Variants in ODF2 observed in about 807,000 individuals in gnomAD.
The protein encoded by ODF2 is outer dense fiber protein 2.
Under a neutral mutation model 110.2 loss-of-function variants are expected in ODF2, and 47 were observed. The observed-to-expected ratio is 0.43, with a 90% CI of 0.34 to 0.54. ODF2 has a LOEUF of 0.54. Among genes scored for constraint, ODF2 ranks in the 20% least tolerant of loss-of-function variants. The pLI, the probability that ODF2 is intolerant of heterozygous loss-of-function variation, is 0.03. For missense variants in ODF2, 812 were observed against 1,054.5 expected, an observed-to-expected ratio of 0.77 and a Z score of 3.19; for synonymous variants, 352 against 397.7, an observed-to-expected ratio of 0.89 and a Z score of 1.37.
At chr9:128,469,982 T>TCAAA (rs1839310768) in intron 5 of ODF2, among the ~76,000 whole-genome samples, 1 of 13,164 alleles carries the variant, frequency 7.6e-5, no homozygotes, top group African/African-American at 3.2e-4. Flanking sequence ...AGTCTCTGTC[T>TCAAA]CAAAAAAAAA....
chr9:128,481,522 G>T, intron 8 of ODF2, 58 bp from the exon 9 acceptor site: 2 of 1,248,544 alleles, frequency 1.6e-6, no homozygotes, highest in East Asian at 2.4e-5. Context: ...TCAATAAAAT[G>T]TAGACATCTG....
At chr9:128,486,663 C>T (rs754529994) in intron 13 of ODF2, among the ~76,000 whole-genome samples, 1 of 152,218 alleles carries the variant, frequency 6.6e-6, no homozygotes, top group African/African-American at 2.4e-5. Flanking sequence ...GTGACTGAGG[C>T]AGCAGCAGGG....
At chr9:128,464,033 C>T (rs1312295720) in intron 4 of ODF2, among the ~76,000 whole-genome samples, 1 of 151,380 alleles carries the variant, frequency 6.6e-6, no homozygotes, top group Non-Finnish European at 1.5e-5. Context: ...TTAGTAGAGA[C>T]GGGGTTTTGC....
In ODF2 at chr9:128,494,454, AGGTCTTTCCTAACTGTG is replaced by A. The variant is rs963823068; in HGVS notation, c.1753-45_1753-29del. 9.2e-5 allele frequency: 142 copies of A among 1,544,802 alleles called. No individual in the cohort carries two copies. The highest frequency in any genetic ancestry group is 1.1e-4 in the Non-Finnish European group (124 of 1,118,894). Reference sequence around the variant, plus strand: ...ACTCTGCCTGGCTCCACTAGGAGCCAGGTCTTTCCTAACTGTGGGTCTTTCCTTCCTGTGGGTCTTTC... The same window carrying A: ...ACTCTGCCTGGCTCCACTAGGAGCCAGGTCTTTCCTTCCTGTGGGTCTTTC... On this transcript the variant is annotated intron_variant, in intron 16 of 20. Transcript: ENST00000604420. This position sits in a 1 kb window ranked among gnomAD's most constrained non-coding sequence, Gnocchi z 4.6.
At chr9:128,460,713 A>T in intron 3 of ODF2, 47 bp downstream of exon 3, 3 of 1,609,822 alleles carry the variant, frequency 1.9e-6, no homozygotes, top group Non-Finnish European at 2.5e-6. Flanking sequence ...GATCTGGGTG[A>T]TCCTGCTAAG....
exon 2 of ODF2, chr9:128,457,416 C>T: frequency 6.2e-7 from 1 of 1,612,810 alleles, no homozygotes. Context: ...ATGTCTGCCT[C>T]ATCCTCAGGC....
intron 4 of ODF2, among the ~76,000 whole-genome samples, chr9:128,464,209 G>A (rs1042422101): frequency 8.3e-5 from 12 of 143,906 alleles, no homozygotes; most frequent in Non-Finnish European, 1.3e-4. Flanking sequence ...AGTCTGGAGT[G>A]CAATGGTGCA....
chr9:128,460,808 A>G (rs1836250159), intron 3 of ODF2, 134 bp from the exon 4 acceptor site: 1 of 1,506,360 alleles, frequency 6.6e-7, no homozygotes, highest in Non-Finnish European at 9.1e-7. Flanking sequence ...GAAGGTAGGC[A>G]GGCCTGTCAT....
chr9:128,492,588 A>G (rs752166229), intron 15 of ODF2, 52 bp downstream of exon 15: 3 of 1,527,580 alleles, frequency 2.0e-6, no homozygotes, highest in Non-Finnish European at 2.7e-6. Flanking sequence ...CCCTGCCCCC[A>G]TCAGACTGGG....
exon 2 of ODF2, chr9:128,457,325 T>C (rs1287538153): frequency 6.2e-7 from 1 of 1,610,440 alleles, no homozygotes; most frequent in East Asian, 2.2e-5. Flanking sequence ...GAGAGGCTCA[T>C]TGACAAGCCT....
intron 7 of ODF2, 56 bp from the exon 8 acceptor site, chr9:128,473,554 G>A (rs1245397840): frequency 6.2e-7 from 1 of 1,603,048 alleles, no homozygotes; most frequent in African/African-American, 1.3e-5. Context: ...GTGCCCATGG[G>A]GCCTGCTTCT....
chr9:128,463,690 G>A (rs1270796421), intron 4 of ODF2, among the ~76,000 whole-genome samples: 4 of 152,100 alleles, frequency 2.6e-5, no homozygotes, highest in Admixed American at 6.5e-5. Flanking sequence ...GAAAATGGGC[G>A]TCTGTGTCCA....
rs776779038 is a variant in ODF2 at position 128,494,739 on chromosome 9, G to GC, written c.1911+77dup. ...GCCCGCATACCAAGATGAGCTGCACGCCCCCCAAGGGAGGACTACTTCCTT... is the reference window on the plus strand; with the variant it reads ...GCCCGCATACCAAGATGAGCTGCACGCCCCCCCAAGGGAGGACTACTTCCTT... On this transcript the variant is annotated intron_variant, in intron 17 of 20. Coordinates refer to ENST00000604420, the Ensembl canonical transcript of ODF2. This position sits in a 1 kb window ranked among gnomAD's most constrained non-coding sequence, Gnocchi z 4.6. 9.9e-6 allele frequency: 16 copies of GC among 1,613,708 alleles called. No individual in the cohort carries two copies. The African/African-American group carries it at 1.6e-4, about 16-fold the overall frequency.
intron 4 of ODF2, among the ~76,000 whole-genome samples, chr9:128,463,840 TTTTA>T (rs1042131683): frequency 2.0e-5 from 3 of 152,040 alleles, no homozygotes; most frequent in African/African-American, 4.8e-5. Flanking sequence ...AATGCTTTAT[TTTTA>T]TTTATTTATT....
At chr9:128,492,288 G>A in intron 14 of ODF2, 138 bp from the exon 15 acceptor site, 1 of 658,542 alleles carries the variant, frequency 1.5e-6, no homozygotes, top group Non-Finnish European at 2.8e-6. Context: ...CTGCTTCTCG[G>A]TGCTTCTCTC....
chr9:128,469,999 AAAAAAAAAAAAAAAAAAAAAT>A (rs1839341885), intron 5 of ODF2, among the ~76,000 whole-genome samples: 1 of 46,760 alleles, frequency 2.1e-5, no homozygotes, highest in Non-Finnish European at 3.8e-5. Context: ...AAAAAAAAAA[AAAAAAAAAAAAAAAAAAAAAT>A]ATATATATAT....
At position 128,475,731 on chromosome 9, in the gene ODF2, C is replaced by T. The variant is rs552483044; in HGVS notation, c.843+1990C>T. Among the ~76,000 whole-genome samples, 7 of 151,972 alleles carry T rather than the reference C, an allele frequency of 4.6e-5. No homozygotes were observed. The South Asian group carries it at 1.0e-3, about 23-fold the overall frequency. ...CGCGATCTCTGTTCACTGCAACCTC[C>T]GCCTCCCGGTTTCAAGTGATTCTCC... On this transcript the variant is annotated intron_variant, in intron 8 of 20. Transcript: ENST00000604420.
rs550267229 is a variant in ODF2, at chr9:128,482,483, T to A, written c.916-333T>A. Among the ~76,000 whole-genome samples the A allele has an allele frequency of 1.3e-3, 205 of 152,172 alleles. 1 individual carries two copies. The highest frequency in any genetic ancestry group is 4.6e-3 in the African/African-American group (190 of 41,526). ...AAGTAGGCATATGACTTTTTTTTTT[T>A]AACGGTGCTGAGCATATGAGTTTCA... On this transcript the variant is annotated intron_variant, in intron 9 of 20. Transcript: ENST00000604420.
exon 8 of ODF2, chr9:128,473,714 C>A: frequency 6.2e-7 from 1 of 1,613,684 alleles, no homozygotes; most frequent in Non-Finnish European, 8.5e-7. Context: ...CCCTCCGAGA[C>A]CTCCTGAGGG....
Sources: gnomAD v4.1 joint callset for allele counts (sites outside exome capture counted in the v4.1 genomes callset) on GRCh38, gnomAD v4.1.1 for gene constraint, Gnocchi (gnomAD v3.1) non-coding constraint, MANE v1.5 for transcripts, NCBI Gene and HGNC (gene_info 2026-07-23, HGNC 2026-07-21) for gene names.